SP110: variants seen among roughly 807,000 people sequenced by gnomAD.
The protein encoded by SP110 is SP110 nuclear body protein.
In SP110, 62 loss-of-function variants were observed where a neutral mutation model predicts 92.7. The ratio of observed to expected loss-of-function variants is 0.67; its 90% CI spans 0.55 to 0.83. The LOEUF (loss-of-function observed/expected upper bound fraction) is 0.83, where lower values mean the gene tolerates loss of function less well. SP110 is among the 40% of genes least tolerant of loss of function. The pLI, the probability that SP110 is intolerant of heterozygous loss-of-function variation, is 0.00. For synonymous variants in SP110, 273 were observed against 305.3 expected (o/e 0.89, Z 1.10); for missense variants, 793 against 863.9 (o/e 0.92, Z 1.03).
At chr2:230,183,873 A>C (rs1385090232) in intron 11 of SP110, among the ~76,000 whole-genome samples, 2 of 152,226 alleles carry the variant, frequency 1.3e-5, no homozygotes, top group Non-Finnish European at 2.9e-5. Flanking sequence ...ACTAATTAAT[A>C]TATGTCAATA....
At chr2:230,201,964 G>A (rs1225293355) in intron 9 of SP110, among the ~76,000 whole-genome samples, 2 of 152,242 alleles carry the variant, frequency 1.3e-5, no homozygotes, top group East Asian at 3.9e-4. Flanking sequence ...AGATATCTGT[G>A]TAAGGCCAGA....
At position 230,169,180 on chromosome 2, in the gene SP110, T is replaced by C. The variant is rs370130521; in HGVS notation, c.2086A>G (p.Lys696Glu). The C allele has an allele frequency of 2.1e-5, 34 of 1,613,900 alleles. No homozygotes were observed. The highest frequency in any genetic ancestry group is 2.5e-6 in the Non-Finnish European group (3 of 1,179,938). ...GCTTCATGAAAACCGAGCACGTCTTTGAGATCTTTTTCAAATTCTGCCTCT... is the reference window on the plus strand; with the variant it reads ...GCTTCATGAAAACCGAGCACGTCTTCGAGATCTTTTTCAAATTCTGCCTCT... ...DLEAEFEKDL[K>E]DVLGFHEAND... is the part of the protein sequence containing the mutation. Residue 696 changes from lysine to glutamate, a missense_variant, in exon 19 of 19, where the codon AAA (lysine) becomes GAA (glutamate). Transcript: ENST00000258381.
chr2:230,177,095 A>C (rs1335518831), intron 14 of SP110, among the ~76,000 whole-genome samples: 1 of 152,166 alleles, frequency 6.6e-6, no homozygotes, highest in East Asian at 1.9e-4. Context: ...CATCATAGAC[A>C]CTAGTTGTTC....
chr2:230,221,106 C>T (rs1361879296), upstream of SP110, among the ~76,000 whole-genome samples: 2 of 151,834 alleles, frequency 1.3e-5, no homozygotes, highest in Non-Finnish European at 2.9e-5. Flanking sequence ...CATGGTGAAA[C>T]CCCATCTCTA....
intron 14 of SP110, among the ~76,000 whole-genome samples, chr2:230,175,013 G>GCTATTAAT (rs1180061485): frequency 6.6e-6 from 1 of 152,160 alleles, no homozygotes; most frequent in Non-Finnish European, 1.5e-5. Flanking sequence ...CCATGTTGGG[G>GCTATTAAT]CTATTAATTA....
chr2:230,183,025 C>A (rs1487531607), intron 12 of SP110, among the ~76,000 whole-genome samples: 1 of 152,068 alleles, frequency 6.6e-6, no homozygotes, highest in Non-Finnish European at 1.5e-5. Context: ...TAAAAAGGGC[C>A]AGTGTGGCTG....
intron 14 of SP110, chr2:230,176,676 T>A (rs1420712371): frequency 6.2e-7 from 1 of 1,613,956 alleles, no homozygotes; most frequent in Admixed American, 1.7e-5. Flanking sequence ...CACTTGCTAT[T>A]TAACTCTCTC....
chr2:230,222,579 T>C (rs1320684290), upstream of SP110, among the ~76,000 whole-genome samples: 1 of 151,938 alleles, frequency 6.6e-6, no homozygotes, highest in Non-Finnish European at 1.5e-5. Flanking sequence ...TTTAAATTAA[T>C]TGGGCATGTT....
At chr2:230,176,767 T>A in intron 14 of SP110, 1 of 1,610,834 alleles carries the variant, frequency 6.2e-7, no homozygotes, top group Non-Finnish European at 8.5e-7. Context: ...ATTCTGGAGG[T>A]TTTTCTTTTG....
At chr2:230,178,614 T>C (rs944855447) in intron 12 of SP110, among the ~76,000 whole-genome samples, 1 of 152,230 alleles carries the variant, frequency 6.6e-6, no homozygotes, top group Admixed American at 6.5e-5. Context: ...GCATTCATGT[T>C]GCCAGAGGAA....
At chr2:230,171,943 A>T (rs1309218942) in intron 16 of SP110, 123 bp downstream of exon 16, 1 of 843,172 alleles carries the variant, frequency 1.2e-6, no homozygotes, top group Non-Finnish European at 2.1e-6. Context: ...TGGGCATTAA[A>T]TCGTCATCCT....
upstream of SP110, chr2:230,221,662 A>G (rs1157548452): frequency 6.5e-7 from 1 of 1,527,836 alleles, no homozygotes; most frequent in Non-Finnish European, 8.8e-7. Flanking sequence ...GGCGGTGGTA[A>G]AGGAATTAAG....
At chr2:230,218,587 C>G (rs556264354) in intron 1 of SP110, among the ~76,000 whole-genome samples, 1 of 152,144 alleles carries the variant, frequency 6.6e-6, no homozygotes, top group Non-Finnish European at 1.5e-5. Flanking sequence ...ATTCATTATA[C>G]AGCAGCGCTC....
At chr2:230,212,055 A>G (rs975893203) in intron 5 of SP110, among the ~76,000 whole-genome samples, 8 of 152,238 alleles carry the variant, frequency 5.3e-5, no homozygotes, top group Admixed American at 6.5e-5. Flanking sequence ...AAACCATATA[A>G]AAATGAAGAA....
At chr2:230,179,484 G>T (rs10209153) in intron 12 of SP110, among the ~76,000 whole-genome samples, 23,411 of 145,256 alleles carry the variant, frequency 0.16, 1,812 homozygotes, top group African/African-American at 0.2. Flanking sequence ...GCCAGACTGG[G>T]GGGCAGGGAG....
rs2043290376 is a variant in SP110 at position 230,202,560 on chromosome 2, A to T, written c.1048+19T>A. The T allele has an allele frequency of 1.2e-6, 2 of 1,613,526 alleles. No individual in the cohort carries two copies. The highest frequency in any genetic ancestry group is 1.7e-6 in the Non-Finnish European group (2 of 1,179,496). ...CCACACTGAGCCATTCAAATGGCAG[A>T]TTCCATCATCAGCCTTACCCTCTGA... is the stretch of plus-strand genomic sequence containing the variant. On this transcript the variant is annotated intron_variant, in intron 9 of 18. Coordinates refer to ENST00000258381, the MANE Select transcript of SP110 (RefSeq NM_080424.4).
At chr2:230,195,519 G>A (rs2042831735) in intron 10 of SP110, among the ~76,000 whole-genome samples, 1 of 152,022 alleles carries the variant, frequency 6.6e-6, no homozygotes, top group African/African-American at 2.4e-5. Context: ...TAGTAGAGAC[G>A]GGGTTTCACC....
At chr2:230,169,263 A>C in intron 18 of SP110, 26 bp from the exon 19 acceptor site, 2 of 1,253,018 alleles carry the variant, frequency 1.6e-6, no homozygotes, top group Non-Finnish European at 2.4e-6. Context: ...GCAAACAAAC[A>C]CATTGAAGGA....
Position 230,186,068 on chromosome 2 carries a change from G to A in SP110, c.1205C>T (p.Ser402Leu). 1 of 1,613,974 alleles carries A rather than the reference G, an allele frequency of 6.2e-7. No homozygotes were observed. The highest frequency in any genetic ancestry group is 8.5e-7 in the Non-Finnish European group (1 of 1,179,898). ...CATCATGACCTCTGAGTTCCAGGTT[G>A]AGTCGTCTTTCCTTTGAGTCACCTT... ...VDKVTQRKDD[S>L]TWNSEVMMRV... The change falls in exon 11 of 19, where the codon TCA becomes TTA. Residue 402 changes from serine (S) to leucine (L), a missense_variant. Coordinates refer to ENST00000258381, the MANE Select transcript of SP110 (RefSeq NM_080424.4).
Sources: gnomAD v4.1 joint callset for allele counts (sites outside exome capture counted in the v4.1 genomes callset) on GRCh38, gnomAD v4.1.1 for gene constraint, MANE v1.5 for transcripts, NCBI Gene and HGNC (gene_info 2026-07-23, HGNC 2026-07-21) for gene names.